The following SEPTIN9 variants were observed in gnomAD, a reference collection of about 807,000 sequenced individuals.
SEPTIN9 encodes the protein septin-9.
In SEPTIN9, 13 loss-of-function variants were observed where a neutral mutation model predicts 56.6. The observed-to-expected ratio is 0.23, with a 90% CI of 0.15 to 0.37. The LOEUF (loss-of-function observed/expected upper bound fraction) is 0.37, where lower values mean the gene tolerates loss of function less well. SEPTIN9 is among the 10% of genes least tolerant of loss of function. The pLI is 1.00. For missense variants in SEPTIN9, 650 were observed against 823.1 expected, an observed-to-expected ratio of 0.79 and a Z score of 2.57; for synonymous variants, 332 against 334.1, an observed-to-expected ratio of 0.99 and a Z score of 0.07.
At chr17:77,470,779 T>G (rs1460946062) in intron 3 of SEPTIN9, 2 of 152,312 alleles carry the variant, frequency 1.3e-5, no homozygotes, top group Non-Finnish European at 2.9e-5. Context: ...TGCTGGGGTG[T>G]GCACTTGGAA....
At chr17:77,495,513 C>T (rs926303451) in intron 10 of SEPTIN9, among the ~76,000 whole-genome samples, 25 of 152,310 alleles carry the variant, frequency 1.6e-4, no homozygotes, top group Middle Eastern at 3.4e-3. Flanking sequence ...ATTGATCACG[C>T]CATGAACTCA....
Position 77,436,100 on chromosome 17 carries a change from C to T in SEPTIN9, c.721+33397C>T, listed in dbSNP as rs374354800. ...GGCTGGGTGGGAGTTGAGTTGAGCT[C>T]GGCGGCTGCCTTTCCACCCTGCGGG... On this transcript the variant is annotated intron_variant, in intron 3 of 11. Transcript: ENST00000427177. This position sits in a 1 kb window ranked among gnomAD's most constrained non-coding sequence, Gnocchi z 4.4. Among the ~76,000 whole-genome samples the T allele has an allele frequency of 2.3e-3, 349 of 152,260 alleles. 8 individuals are homozygous for T. In the South Asian group the frequency reaches 0.056, roughly 24 times the overall value.
Position 77,445,043 on chromosome 17 carries a change from C to T in SEPTIN9, c.722-37101C>T, listed in dbSNP as rs990267420. The T allele has an allele frequency of 3.1e-5, 12 of 382,826 alleles. No individual in the cohort carries two copies. The highest frequency in any genetic ancestry group is 1.5e-4 in the African/African-American group (7 of 47,060). The allele number at this position is 382,826 out of a possible 1,614,324, so 23.7% of individuals were successfully genotyped here. ...ATGTGCTGAAACAGCCCAGCAGCTG[C>T]GCTGCCTCACAGAAAATGTGCAGAG... On this transcript the variant is annotated intron_variant, in intron 3 of 11. Transcript: ENST00000427177. This position sits in a 1 kb window ranked among gnomAD's most constrained non-coding sequence, Gnocchi z 4.7.
In SEPTIN9 at chr17:77,402,292, G is replaced by C; in HGVS notation, c.310G>C (p.Val104Leu). ...CTCGGGCCCCAAGGCGGCCGAGCCG[G>C]TGTCCCGGCGCACTGAGCTGTCCAT... ...ELSGPKAAEP[V>L]SRRTELSIDI... The change falls in exon 3 of 12, where the codon GTG (valine) becomes CTG (leucine). Residue 104 changes from valine to leucine, a missense_variant. Transcript: ENST00000427177. This position sits in a 1 kb window ranked among gnomAD's most constrained non-coding sequence, Gnocchi z 6.6. 1 of 1,612,624 alleles carries C rather than the reference G, an allele frequency of 6.2e-7. No homozygotes were observed. The highest frequency in any genetic ancestry group is 8.5e-7 in the Non-Finnish European group (1 of 1,179,768).
At chr17:77,497,185 C>A in intron 10 of SEPTIN9, 130 bp from the exon 11 acceptor site, 2 of 887,390 alleles carry the variant, frequency 2.3e-6, no homozygotes, top group South Asian at 1.4e-5. Flanking sequence ...GGTTCCCCTG[C>A]CCTCCTGCCC....
At chr17:77,300,458 G>A (rs2031989391) in intron 1 of SEPTIN9, among the ~76,000 whole-genome samples, 1 of 152,178 alleles carries the variant, frequency 6.6e-6, no homozygotes, top group Non-Finnish European at 1.5e-5. Flanking sequence ...ACCTCTTCAG[G>A]ACACAACTCC....
At chr17:77,325,193 G>A (rs973061136) in intron 2 of SEPTIN9, among the ~76,000 whole-genome samples, 5 of 152,124 alleles carry the variant, frequency 3.3e-5, no homozygotes, top group East Asian at 1.9e-4. Context: ...TGCTTTTGGC[G>A]CCATATCCAA....
At chr17:77,307,674 A>G (rs1277400723) in intron 2 of SEPTIN9, among the ~76,000 whole-genome samples, 1 of 152,144 alleles carries the variant, frequency 6.6e-6, no homozygotes, top group South Asian at 2.1e-4. Flanking sequence ...GGCCTCTGGC[A>G]GTGGTCACTG....
chr17:77,478,315 T>C (rs1316736343), intron 3 of SEPTIN9, among the ~76,000 whole-genome samples: 1 of 152,258 alleles, frequency 6.6e-6, no homozygotes, highest in Non-Finnish European at 1.5e-5. Flanking sequence ...GTGAACACAC[T>C]GTGGCAATTC....
At chr17:77,412,291 T>G (rs2036332717) in intron 3 of SEPTIN9, among the ~76,000 whole-genome samples, 1 of 152,158 alleles carries the variant, frequency 6.6e-6, no homozygotes. Flanking sequence ...CCCTTACCCC[T>G]GGCTGAGGGC....
At chr17:77,339,455 T>C (rs2033656571) in intron 2 of SEPTIN9, among the ~76,000 whole-genome samples, 1 of 152,166 alleles carries the variant, frequency 6.6e-6, no homozygotes, top group Non-Finnish European at 1.5e-5. Context: ...CAAGGTGCAT[T>C]GTCAATGAGC....
chr17:77,350,848 AC>A (rs1276059126), intron 2 of SEPTIN9, among the ~76,000 whole-genome samples: 2 of 152,280 alleles, frequency 1.3e-5, no homozygotes, highest in East Asian at 1.9e-4. Context: ...CTCCAGACAG[AC>A]CTTTTATCAA....
In SEPTIN9 at chr17:77,436,164, C is replaced by T. The variant is rs140938774; in HGVS notation, c.721+33461C>T. On this transcript the variant is annotated intron_variant, in intron 3 of 11. Transcript: ENST00000427177. This position sits in a 1 kb window ranked among gnomAD's most constrained non-coding sequence, Gnocchi z 4.4. Reference sequence around the variant, plus strand: ...TGTGAGGATGCCTGCTGGAAGCCAACGTGCACGAAAGAGTTAATGGTGGAT... The same window carrying T: ...TGTGAGGATGCCTGCTGGAAGCCAATGTGCACGAAAGAGTTAATGGTGGAT... Among the ~76,000 whole-genome samples the T allele has an allele frequency of 3.8e-3, 576 of 152,252 alleles. 3 individuals carry two copies. Among genetic ancestry groups the T allele is most frequent in the Middle Eastern group, 0.01 (3 of 294 alleles).
rs144913054 is a variant in SEPTIN9, at chr17:77,416,522, C to T, written c.721+13819C>T. Among the ~76,000 whole-genome samples, 15 of 152,296 alleles carry T rather than the reference C, an allele frequency of 9.8e-5. No individual in the cohort carries two copies. The East Asian group carries it at 2.7e-3, about 27-fold the overall frequency. Reference sequence around the variant, plus strand: ...TGCCGGCAGCAGGCAGGGAGAGGGACGTCTGGTCTGTGCCTGGAGCCAGCT... The same window carrying T: ...TGCCGGCAGCAGGCAGGGAGAGGGATGTCTGGTCTGTGCCTGGAGCCAGCT... On this transcript the variant is annotated intron_variant, in intron 3 of 11. Transcript: ENST00000427177.
chr17:77,366,365 C>G (rs1463887532), intron 2 of SEPTIN9, among the ~76,000 whole-genome samples: 2 of 152,262 alleles, frequency 1.3e-5, no homozygotes, highest in East Asian at 1.9e-4. Flanking sequence ...GAGGAACGCT[C>G]TGGTCATGGG....
At position 77,350,339 on chromosome 17, in the gene SEPTIN9, C is replaced by T. The variant is rs1484630325; in HGVS notation, c.76+43142C>T. On this transcript the variant is annotated intron_variant, in intron 2 of 11. Coordinates refer to ENST00000427177, the MANE Select transcript of SEPTIN9 (RefSeq NM_001113491.2). The stretch of plus-strand genomic sequence containing the variant: ...GGAGCCCCCAAAGGCAGAAACTCAC[C>T]CTTCTCTCTGTTCTTGTGCTTCCAG... Among the ~76,000 whole-genome samples, 3 of 152,238 alleles carry T rather than the reference C, an allele frequency of 2.0e-5. No homozygotes were observed. In the East Asian group the frequency reaches 5.8e-4, roughly 29 times the overall value.
At chr17:77,380,174 T>C (rs1235864534) in intron 2 of SEPTIN9, 1 of 156,850 alleles carries the variant, frequency 6.4e-6, no homozygotes, top group Non-Finnish European at 1.3e-5. Context: ...TTGTTGTCGT[T>C]TTTAAAAGTC....
chr17:77,314,510 G>T (rs935936366), intron 2 of SEPTIN9, among the ~76,000 whole-genome samples: 1 of 152,044 alleles, frequency 6.6e-6, no homozygotes, highest in Non-Finnish European at 1.5e-5. Context: ...AAAGCGAGAG[G>T]TTGTGCGTCC....
intron 7 of SEPTIN9, among the ~76,000 whole-genome samples, chr17:77,490,135 G>GC (rs1207906413): frequency 6.6e-6 from 1 of 152,238 alleles, no homozygotes; most frequent in African/African-American, 2.4e-5. Flanking sequence ...TCTGCCCGGA[G>GC]CGGGCTTCTC....
Sources: gnomAD v4.1 joint callset for allele counts (sites outside exome capture counted in the v4.1 genomes callset) on GRCh38, gnomAD v4.1.1 for gene constraint, Gnocchi (gnomAD v3.1) non-coding constraint, MANE v1.5 for transcripts, NCBI Gene and HGNC (gene_info 2026-07-23, HGNC 2026-07-21) for gene names.